The following NPEPL1 variants were observed in gnomAD, a reference collection of about 807,000 sequenced individuals.
NPEPL1 encodes aminopeptidase like 1.
In NPEPL1, 45 loss-of-function variants were observed where a neutral mutation model predicts 52.4. That is an observed-to-expected ratio of 0.86 (90% CI 0.68 to 1.10). NPEPL1 has a LOEUF of 1.10. NPEPL1 is among the 50% of genes least tolerant of loss of function. The probability of loss-of-function intolerance (pLI) is 0.00; values close to 1 mark genes in which losing one functional copy is unlikely to be tolerated. For missense variants in NPEPL1, 696 were observed against 710.9 expected, an observed-to-expected ratio of 0.98 and a Z score of 0.24; for synonymous variants, 360 against 314.7, an observed-to-expected ratio of 1.14 and a Z score of -1.52.
chr20:58,691,689 T>TTTTC, upstream of NPEPL1: 2 of 771,630 alleles, frequency 2.6e-6, 1 homozygote, highest in South Asian at 3.4e-5. Context: ...TCTTTTTTTC[T>TTTTC]TTTCTTTTTT....
Position 58,715,156 on chromosome 20 carries a change from C to G in NPEPL1, c.1414-12C>G. 1 of 1,596,058 alleles carries G rather than the reference C, an allele frequency of 6.3e-7. No individual in the cohort carries two copies. The highest frequency in any genetic ancestry group is 8.5e-7 in the Non-Finnish European group (1 of 1,174,784). ...CCACGCCCAGAGTCTGTGTCCTGCCCTTTGCTTGCAGGGTGAGCGAGCCAC... is the reference window on the plus strand; with the variant it reads ...CCACGCCCAGAGTCTGTGTCCTGCCGTTTGCTTGCAGGGTGAGCGAGCCAC... On this transcript the variant is annotated splice_polypyrimidine_tract_variant and intron_variant, in intron 11 of 11. Transcript: ENST00000356091.
At chr20:58,691,238 T>A, upstream of NPEPL1, 1 of 685,314 alleles carries the variant, frequency 1.5e-6, no homozygotes, top group East Asian at 2.7e-5. Context: ...GTTAGTACCC[T>A]TTACCAATGT....
rs773180804 is a variant in NPEPL1, at chr20:58,694,395, C to T, written c.337-27C>T. ...CTCCCTGGTGGCGGCCCTTGCACCC[C>T]TCACGCCGTCTCCCTATGTGCCACA... On this transcript the variant is annotated intron_variant, in intron 2 of 11. Transcript: ENST00000356091. The T allele has an allele frequency of 7.0e-6, 11 of 1,582,722 alleles. No homozygotes were observed. In the South Asian group the frequency reaches 8.1e-5, roughly 12 times the overall value.
At chr20:58,708,313 G>A (rs748734931) in intron 7 of NPEPL1, among the ~76,000 whole-genome samples, 11 of 152,352 alleles carry the variant, frequency 7.2e-5, no homozygotes, top group South Asian at 2.1e-4. Flanking sequence ...CCAGCTGGCC[G>A]TGCACATTCC....
chr20:58,691,393 T>TC (rs2084340601), upstream of NPEPL1: 1 of 489,654 alleles, frequency 2.0e-6, no homozygotes, highest in Non-Finnish European at 3.5e-6. Flanking sequence ...TTTTTTTTTT[T>TC]TTTTTTTTGA....
At chr20:58,698,835 G>A (rs2084548337) in intron 4 of NPEPL1, 62 bp downstream of exon 4, 2 of 1,409,878 alleles carry the variant, frequency 1.4e-6, no homozygotes, top group Admixed American at 1.8e-5. Context: ...AGACTCCCAG[G>A]AGAGCCAGAG....
At chr20:58,699,081 C>A in intron 4 of NPEPL1, 116 bp from the exon 5 acceptor site, 1 of 984,004 alleles carries the variant, frequency 1.0e-6, no homozygotes, top group Non-Finnish European at 1.6e-6. Context: ...CTCCCAAGCC[C>A]GGCTCCCCGA....
At position 58,701,024 on chromosome 20, in the gene NPEPL1, G is replaced by T; in HGVS notation, c.688G>T (p.Gly230Trp). Residue 230 changes from glycine to tryptophan, a missense_variant, in exon 6 of 12, where the codon GGG (glycine) becomes TGG (tryptophan). Coordinates refer to ENST00000356091, the MANE Select transcript of NPEPL1 (RefSeq NM_024663.4). ...LKTRGFGGIY[G>W]VGKAALHPPA... ...CCCCACGCTTTCCATAGGAATCTAT[G>T]GGGTTGGCAAAGCCGCCCTGCATCC... is the stretch of plus-strand genomic sequence containing the variant. 6.3e-7 allele frequency: 1 copy of T among 1,588,012 alleles called. No homozygotes were observed. Among genetic ancestry groups the T allele is most frequent in the Non-Finnish European group, 8.6e-7 (1 of 1,167,690 alleles).
chr20:58,714,484 T>C, intron 10 of NPEPL1, 76 bp from the exon 11 acceptor site: 5 of 1,073,202 alleles, frequency 4.7e-6, no homozygotes, highest in Non-Finnish European at 6.6e-6. Context: ...ACAGCAATAG[T>C]GACAGGCGAT....
intron 3 of NPEPL1, among the ~76,000 whole-genome samples, chr20:58,695,611 C>T (rs1284645072): frequency 1.3e-5 from 2 of 152,152 alleles, no homozygotes; most frequent in Non-Finnish European, 2.9e-5. Context: ...AGGCTGTCGC[C>T]TTCACCCAGG....
chr20:58,697,172 A>G (rs561358421), intron 3 of NPEPL1, among the ~76,000 whole-genome samples: 1 of 152,348 alleles, frequency 6.6e-6, no homozygotes, highest in African/African-American at 2.4e-5. Flanking sequence ...TGTGGACAGA[A>G]TGAGTGGTCC....
intron 2 of NPEPL1, 97 bp from the exon 3 acceptor site, chr20:58,694,325 C>T: frequency 1.6e-6 from 2 of 1,284,190 alleles, no homozygotes; most frequent in Non-Finnish European, 2.1e-6. Flanking sequence ...TGTCACCTGC[C>T]AGGGAGCTGA....
At chr20:58,689,560 T>C (rs1163418461), upstream of NPEPL1, among the ~76,000 whole-genome samples, 1 of 152,174 alleles carries the variant, frequency 6.6e-6, no homozygotes, top group Non-Finnish European at 1.5e-5. Flanking sequence ...GGGGCCTGGT[T>C]CCACATGAGC....
At chr20:58,698,630 G>C (rs6100169) in intron 3 of NPEPL1, 54 bp from the exon 4 acceptor site, 3 of 1,410,962 alleles carry the variant, frequency 2.1e-6, no homozygotes, top group East Asian at 2.3e-5. Flanking sequence ...GGATGGACAA[G>C]GGGAGAACAT....
In NPEPL1 at chr20:58,693,586, T is replaced by A. The variant is rs375332415; in HGVS notation, c.151-151T>A. The A allele has an allele frequency of 7.5e-5, 48 of 639,424 alleles. 1 individual carries two copies. In the African/African-American group the frequency reaches 8.3e-4, roughly 11 times the overall value. The allele number at this position is 639,424 out of a possible 1,614,324, so 39.6% of individuals were successfully genotyped here. ...GTTAGCTCTGCAGAGAGGCGACACA[T>A]CTCCCTAAGGATGGGAAAACGGTGG... On this transcript the variant is annotated intron_variant, in intron 1 of 11. Transcript: ENST00000356091.
intron 7 of NPEPL1, among the ~76,000 whole-genome samples, chr20:58,712,001 T>C (rs2084855522): frequency 6.6e-6 from 1 of 152,244 alleles, no homozygotes; most frequent in Non-Finnish European, 1.5e-5. Context: ...ACTGCCACCA[T>C]CTGTTGGCCA....
chr20:58,712,768 A>T (rs1421244702), intron 8 of NPEPL1, 189 bp downstream of exon 8: 1 of 683,474 alleles, frequency 1.5e-6, no homozygotes, highest in Non-Finnish European at 2.7e-6. Context: ...TGAGGGGCCC[A>T]TGGCACCTGG....
At chr20:58,703,141 C>A (rs902904910) in intron 6 of NPEPL1, among the ~76,000 whole-genome samples, 3 of 152,158 alleles carry the variant, frequency 2.0e-5, no homozygotes, top group Non-Finnish European at 2.9e-5. Flanking sequence ...ACTGTCAGAG[C>A]GATTCTCAGA....
Position 58,699,202 on chromosome 20 carries a change from T to G in NPEPL1, c.603T>G (p.Ile201Met), listed in dbSNP as rs780616618. Reference sequence around the variant, plus strand: ...TTTTCCATGAACATGTCCAGGAGATTAACAAAGTTGGAAAGGAGCTGGGGA... The same window carrying G: ...TTTTCCATGAACATGTCCAGGAGATGAACAAAGTTGGAAAGGAGCTGGGGA... ...EMNTDTFLEEINKVGKELGII... is the reference protein window; with the variant it reads ...EMNTDTFLEEMNKVGKELGII... Residue 201 changes from isoleucine to methionine, a missense_variant, in exon 5 of 12, where the codon ATT becomes ATG. Coordinates refer to ENST00000356091, the MANE Select transcript of NPEPL1 (RefSeq NM_024663.4). 6.3e-7 allele frequency: 1 copy of G among 1,596,046 alleles called. No individual in the cohort carries two copies. Among genetic ancestry groups the G allele is most frequent in the African/African-American group, 1.3e-5 (1 of 74,778 alleles).
Sources: allele counts gnomAD v4.1 joint callset (sites outside exome capture counted in the v4.1 genomes callset), GRCh38; gene constraint gnomAD v4.1.1; transcripts MANE v1.5; gene names NCBI Gene and HGNC (gene_info 2026-07-23, HGNC 2026-07-21).